Variants in MYH15 observed in about 807,000 individuals in gnomAD.
MYH15 encodes myosin-15.
A neutral mutation model predicts 240.5 loss-of-function variants in MYH15; 227 were observed. The observed-to-expected ratio is 0.94, with a 90% CI of 0.85 to 1.05. MYH15 has a LOEUF of 1.05. MYH15 is among the 50% of genes least tolerant of loss of function. MYH15 has a pLI of 0.00. For synonymous variants in MYH15, 785 were observed against 796.7 expected, an observed-to-expected ratio of 0.99 and a Z score of 0.25; for missense variants, 2,217 against 2,247.5, an observed-to-expected ratio of 0.99 and a Z score of 0.27.
At position 108,421,097 on chromosome 3, in the gene MYH15, T is replaced by C. The variant is rs548436782; in HGVS notation, c.3820A>G (p.Ser1274Gly). 1 of 1,614,096 alleles carries C rather than the reference T, an allele frequency of 6.2e-7. No homozygotes were observed. Among genetic ancestry groups the C allele is most frequent in the Admixed American group, 1.7e-5 (1 of 60,022 alleles). ...DLAAQKTKLW[S>G]ESGEFLRRLE... ...CAGCATACTTACTTACCACTCTCAC[T>C]CCACAGCTTTGTCTTTTGTGCTGCC... The change falls in exon 28 of 41, where the codon AGT becomes GGT. Residue 1274 changes from serine to glycine, a missense_variant. Ser to Gly is a moderately conservative substitution (Grantham distance 56). Coordinates refer to ENST00000693548, the MANE Select transcript of MYH15 (RefSeq NM_014981.3).
At chr3:108,500,078 C>T (rs1303859137) in intron 4 of MYH15, 40 bp downstream of exon 4, 2 of 1,594,474 alleles carry the variant, frequency 1.3e-6, no homozygotes, top group East Asian at 2.2e-5. Context: ...AAAAGTAGAT[C>T]AGATATTTTT....
intron 1 of MYH15, among the ~76,000 whole-genome samples, chr3:108,525,455 A>G: frequency 6.6e-6 from 1 of 152,092 alleles, no homozygotes; most frequent in East Asian, 1.9e-4. Context: ...AGCCAGAATG[A>G]CCCAGCACAT....
upstream of MYH15, among the ~76,000 whole-genome samples, chr3:108,530,738 A>G (rs1222302376): frequency 6.6e-6 from 1 of 152,194 alleles, no homozygotes; most frequent in East Asian, 1.9e-4. Flanking sequence ...AAACTGCTCT[A>G]AAAATACTTA....
Position 108,380,974 on chromosome 3 carries a change from T to G in MYH15, c.*571A>C, listed in dbSNP as rs2082337965. 1 of 153,450 alleles carries G rather than the reference T, an allele frequency of 6.5e-6. No individual in the cohort carries two copies. The highest frequency in any genetic ancestry group is 1.5e-5 in the Non-Finnish European group (1 of 68,890). The allele number at this position is 153,450 out of a possible 1,614,324, so 9.5% of individuals were successfully genotyped here. The stretch of plus-strand genomic sequence containing the variant: ...CATGTTTAAAGCATGTACCAGCATA[T>G]AGCCTACATGTGTGTTGATTAGGAG... On this transcript the variant is annotated 3_prime_UTR_variant, in exon 41 of 41. Coordinates refer to ENST00000693548, the MANE Select transcript of MYH15 (RefSeq NM_014981.3).
the MYH15 span, among the ~76,000 whole-genome samples, chr3:108,545,122 T>C: frequency 6.6e-6 from 1 of 152,088 alleles, no homozygotes; most frequent in Non-Finnish European, 1.5e-5. Flanking sequence ...GTATGAAAAA[T>C]GCTTCTTTCA....
At position 108,464,738 on chromosome 3, in the gene MYH15, A is replaced by T. The variant is rs192522176; in HGVS notation, c.1631T>A (p.Leu544His). The change falls in exon 15 of 41, where the codon CTC becomes CAC. Residue 544 changes from leucine to histidine, a missense_variant. Coordinates refer to ENST00000693548, the MANE Select transcript of MYH15 (RefSeq NM_014981.3). ...KATDLTFKTK[L>H]FDNHFGKSVH... Reference sequence around the variant, plus strand: ...CGACTTTCCAAAATGGTTGTCAAAGAGTTTGGTCTTGAAAGTCAGGTCTGT... The same window carrying T: ...CGACTTTCCAAAATGGTTGTCAAAGTGTTTGGTCTTGAAAGTCAGGTCTGT... 433 of 1,613,962 alleles carry T rather than the reference A, an allele frequency of 2.7e-4. 1 individual carries two copies. The highest frequency in any genetic ancestry group is 5.0e-4 in the Middle Eastern group (3 of 6,056).
At chr3:108,439,247 T>C (rs1324574834) in intron 24 of MYH15, among the ~76,000 whole-genome samples, 1 of 152,220 alleles carries the variant, frequency 6.6e-6, no homozygotes, top group Non-Finnish European at 1.5e-5. Flanking sequence ...GCATCATCTC[T>C]AGAATCTTAA....
chr3:108,463,582 A>G (rs1053452010), intron 15 of MYH15, among the ~76,000 whole-genome samples: 1 of 152,048 alleles, frequency 6.6e-6, no homozygotes, highest in East Asian at 1.9e-4. Flanking sequence ...CAATCCACCC[A>G]TCTCAGCCTC....
chr3:108,467,439 G>A (rs925059730), intron 14 of MYH15, among the ~76,000 whole-genome samples: 5 of 151,960 alleles, frequency 3.3e-5, no homozygotes, highest in African/African-American at 1.2e-4. Context: ...TGATACTATT[G>A]ACTACTAACA....
At chr3:108,458,192 C>A (rs2083039987) in intron 18 of MYH15, among the ~76,000 whole-genome samples, 1 of 152,100 alleles carries the variant, frequency 6.6e-6, no homozygotes, top group African/African-American at 2.4e-5. Flanking sequence ...TGTCTTATGA[C>A]TTTAAGAAAA....
chr3:108,498,169 C>A (rs1335501892), intron 5 of MYH15, 24 bp from the exon 6 acceptor site: 12 of 1,598,602 alleles, frequency 7.5e-6, no homozygotes, highest in Non-Finnish European at 1.0e-5. Flanking sequence ...TTCAGTGATA[C>A]AGTTAACTGG....
intron 1 of MYH15, among the ~76,000 whole-genome samples, chr3:108,519,658 G>T (rs1916327): frequency 1 from 151,889 of 152,304 alleles, 75,737 homozygotes; most frequent in Middle Eastern, 1. Flanking sequence ...AAAATACTAG[G>T]TAATACCACA....
rs530896427 is a variant in MYH15 at position 108,405,791 on chromosome 3, G to A, written c.4621-338C>T. ...TTTTTCTAACATATTCCAACTTTGGGATAAATTTTAAAAAGTATCAGAGCT... is the reference window on the plus strand; with the variant it reads ...TTTTTCTAACATATTCCAACTTTGGAATAAATTTTAAAAAGTATCAGAGCT... On this transcript the variant is annotated intron_variant, in intron 32 of 40. Coordinates refer to ENST00000693548, the MANE Select transcript of MYH15 (RefSeq NM_014981.3). Among the ~76,000 whole-genome samples, 13 of 152,190 alleles carry A rather than the reference G, an allele frequency of 8.5e-5. No homozygotes were observed. The East Asian group carries it at 2.3e-3, about 27-fold the overall frequency.
Position 108,476,454 on chromosome 3 carries a change from G to T in MYH15, c.1176C>A (p.Ile392=), listed in dbSNP as rs754450036. ...INSSELVKCL[I]HPRIKVGNEY... ...CGTTACCAACTTTGATTCTAGGATG[G>T]ATCAAGCACTTTACCAACTCAGAGG... is the stretch of plus-strand genomic sequence containing the variant. Residue 392 remains isoleucine, a synonymous_variant, in exon 12 of 41, where the codon ATC becomes ATA. Transcript: ENST00000693548. 2 of 1,613,288 alleles carry T rather than the reference G, an allele frequency of 1.2e-6. No individual in the cohort carries two copies. The highest frequency in any genetic ancestry group is 1.7e-6 in the Non-Finnish European group (2 of 1,179,588).
At chr3:108,394,707 T>C (rs1262322549) in intron 35 of MYH15, among the ~76,000 whole-genome samples, 1 of 152,186 alleles carries the variant, frequency 6.6e-6, no homozygotes. Context: ...GGTACCCTCA[T>C]TACCACGGAG....
rs1376372598 is a variant in MYH15, at chr3:108,380,444, G to C, written c.*1101C>G. ...CTGGTGGAGAAGTCTAGGCCAGGCTGTTCCCTCTGCATCTGGTTCTGGGCC... is the reference window on the plus strand; with the variant it reads ...CTGGTGGAGAAGTCTAGGCCAGGCTCTTCCCTCTGCATCTGGTTCTGGGCC... On this transcript the variant is annotated 3_prime_UTR_variant, in exon 41 of 41. Coordinates refer to ENST00000693548, the MANE Select transcript of MYH15 (RefSeq NM_014981.3). 3 of 152,454 alleles carry C rather than the reference G, an allele frequency of 2.0e-5. No homozygotes were observed. Among genetic ancestry groups the C allele is most frequent in the Non-Finnish European group, 2.9e-5 (2 of 68,228 alleles). The allele number at this position is 152,454 out of a possible 1,614,324, so 9.4% of individuals were successfully genotyped here.
At chr3:108,507,997 CTCTT>C (rs1208711073) in intron 1 of MYH15, among the ~76,000 whole-genome samples, 1 of 152,200 alleles carries the variant, frequency 6.6e-6, no homozygotes, top group South Asian at 2.1e-4. Context: ...CCCTCTGTCT[CTCTT>C]TCTCTTTCTT....
Position 108,499,489 on chromosome 3 carries a change from A to G in MYH15, c.497-7T>C. 1 of 1,612,674 alleles carries G rather than the reference A, an allele frequency of 6.2e-7. No homozygotes were observed. The highest frequency in any genetic ancestry group is 8.5e-7 in the Non-Finnish European group (1 of 1,179,236). On this transcript the variant is annotated splice_region_variant and splice_polypyrimidine_tract_variant and intron_variant, in intron 4 of 40. Coordinates refer to ENST00000693548, the MANE Select transcript of MYH15 (RefSeq NM_014981.3). ...ATAGACTGATTTTCTCGATCTACAAAAGAAAGAAAAATGCCAGAATATTCT... is the reference window on the plus strand; with the variant it reads ...ATAGACTGATTTTCTCGATCTACAAGAGAAAGAAAAATGCCAGAATATTCT...
chr3:108,403,274 T>C (rs1328756266), intron 33 of MYH15, among the ~76,000 whole-genome samples: 1 of 152,228 alleles, frequency 6.6e-6, no homozygotes, highest in Non-Finnish European at 1.5e-5. Context: ...TTTGCTGTAC[T>C]ATCAAGGTTT....
Sources: allele counts gnomAD v4.1 joint callset (sites outside exome capture counted in the v4.1 genomes callset), GRCh38; gene constraint gnomAD v4.1.1; transcripts MANE v1.5; gene names NCBI Gene and HGNC (gene_info 2026-07-23, HGNC 2026-07-21).